SUSD1: variants seen among roughly 807,000 people sequenced by gnomAD.
SUSD1 encodes sushi domain-containing protein 1.
In SUSD1, 65 loss-of-function variants were observed where a neutral mutation model predicts 86.9. The observed-to-expected ratio is 0.75, with a 90% confidence interval of 0.61 to 0.92. SUSD1 has a LOEUF of 0.92. SUSD1 is among the 40% of genes least tolerant of loss of function. The pLI is 0.00. For missense variants in SUSD1, 850 were observed against 929.7 expected (o/e 0.91, Z 1.11); for synonymous variants, 346 against 350.0 (o/e 0.99, Z 0.13).
intron 15 of SUSD1, among the ~76,000 whole-genome samples, chr9:112,049,499 T>C (rs763671339): frequency 8.5e-4 from 129 of 152,320 alleles, no homozygotes; most frequent in Middle Eastern, 3.4e-3. Flanking sequence ...GCATCTTCCA[T>C]CAAACCGACT....
At chr9:112,094,985 A>G (rs567152004) in intron 10 of SUSD1, among the ~76,000 whole-genome samples, 15 of 152,170 alleles carry the variant, frequency 9.9e-5, no homozygotes, top group Non-Finnish European at 1.9e-4. Flanking sequence ...CTGCCTGGGA[A>G]ATAGAGCTGT....
intron 15 of SUSD1, among the ~76,000 whole-genome samples, chr9:112,047,943 T>C (rs1828027118): frequency 6.6e-6 from 1 of 152,154 alleles, no homozygotes; most frequent in African/African-American, 2.4e-5. Flanking sequence ...AGTATTCTGT[T>C]ATAGCAACAC....
At position 112,113,253 on chromosome 9, in the gene SUSD1, C is replaced by G. The variant is rs1345053924; in HGVS notation, c.887-385G>C. Among the ~76,000 whole-genome samples, 1 of 152,192 alleles carries G rather than the reference C, an allele frequency of 6.6e-6. No individual in the cohort carries two copies. The highest frequency in any genetic ancestry group is 2.4e-5 in the African/African-American group (1 of 41,448). ...ACAGGTAAGACCTACTTCCACCTTT[C>G]TCTTCCCAGCAGAATGATGGGAAAC... On this transcript the variant is annotated intron_variant, in intron 6 of 16. Coordinates refer to ENST00000374270, the MANE Select transcript of SUSD1 (RefSeq NM_022486.5). This position sits in a 1 kb window ranked among gnomAD's most constrained non-coding sequence, Gnocchi z 4.1.
intron 15 of SUSD1, among the ~76,000 whole-genome samples, chr9:112,045,351 T>A (rs1296302578): frequency 1.3e-5 from 2 of 152,204 alleles, no homozygotes; most frequent in Non-Finnish European, 2.9e-5. Context: ...TGAAGATGAC[T>A]GTGGACAGAA....
chr9:112,086,565 AGAGAGAGAG>A (rs1564282426), intron 10 of SUSD1, among the ~76,000 whole-genome samples: 28 of 133,090 alleles, frequency 2.1e-4, no homozygotes, highest in African/African-American at 9.4e-4. Flanking sequence ...AAAGAAAGAG[AGAGAGAGAG>A]AGAGAGAGAG....
intron 2 of SUSD1, among the ~76,000 whole-genome samples, chr9:112,156,599 G>T (rs1589740837): frequency 6.6e-6 from 1 of 151,970 alleles, no homozygotes; most frequent in East Asian, 1.9e-4. Flanking sequence ...TTTTAGATAT[G>T]GGGGTCTCAC....
At position 112,059,446 on chromosome 9, in the gene SUSD1, A is replaced by G. The variant is rs1163594641; in HGVS notation, c.1851-760T>C. 2.0e-5 allele frequency among the ~76,000 whole-genome samples: 3 copies of G among 152,214 alleles called. No individual in the cohort carries two copies. In the East Asian group the frequency reaches 5.8e-4, roughly 29 times the overall value. On this transcript the variant is annotated intron_variant, in intron 13 of 16. Transcript: ENST00000374270. ...CCACAGTGAATGTACTAAGTCCGGA[A>G]AAAAGGCTGCAGACAGTCATGCGGT...
At chr9:112,067,717 T>C (rs1174792497) in intron 12 of SUSD1, among the ~76,000 whole-genome samples, 1 of 152,086 alleles carries the variant, frequency 6.6e-6, no homozygotes, top group Non-Finnish European at 1.5e-5. Context: ...CTTCAAAGTC[T>C]ATCACTGCAT....
At chr9:112,101,222 C>T (rs2131616126) in intron 9 of SUSD1, among the ~76,000 whole-genome samples, 1 of 152,020 alleles carries the variant, frequency 6.6e-6, no homozygotes, top group Admixed American at 6.6e-5. Flanking sequence ...ATCAGCAGGG[C>T]ATAGTGGTGC....
chr9:112,146,403 A>C (rs1289090243), intron 3 of SUSD1, among the ~76,000 whole-genome samples: 2 of 152,162 alleles, frequency 1.3e-5, no homozygotes, highest in Non-Finnish European at 2.9e-5. Context: ...TGGTATGTAA[A>C]CTATAGCTCA....
At position 112,041,261 on chromosome 9, in the gene SUSD1, G is replaced by C. The variant is rs183598613; in HGVS notation, c.*231C>G. The C allele has an allele frequency of 5.4e-5, 33 of 615,608 alleles. No individual in the cohort carries two copies. Among genetic ancestry groups the C allele is most frequent in the Non-Finnish European group, 8.4e-5 (29 of 346,060 alleles). The allele number at this position is 615,608 out of a possible 1,614,324, so 38.1% of individuals were successfully genotyped here. On this transcript the variant is annotated 3_prime_UTR_variant, in exon 17 of 17. Transcript: ENST00000374270. The stretch of plus-strand genomic sequence containing the variant: ...GTCTCAAGTTCATTGCACAGAACTG[G>C]TCCTGTAGCAGGGAAGACTCAGAAT...
rs1833376467 is a variant in SUSD1 at position 112,157,445 on chromosome 9, G to A, written c.217+55C>T. The A allele has an allele frequency of 2.4e-6, 3 of 1,276,540 alleles. No homozygotes were observed. In the East Asian group the frequency reaches 7.0e-5, roughly 30 times the overall value. 79.1% of individuals were successfully genotyped at this position (1,276,540 alleles called of 1,614,324 possible). On this transcript the variant is annotated intron_variant, in intron 2 of 16. Transcript: ENST00000374270. ...CAAGGACATCAACTCTTTAATACAA[G>A]AGAATCTTGTTTCTCGATTCAGCTT...
intron 7 of SUSD1, 42 bp from the exon 8 acceptor site, chr9:112,111,882 C>T (rs1356655701): frequency 6.3e-7 from 1 of 1,594,412 alleles, no homozygotes; most frequent in Non-Finnish European, 8.6e-7. Flanking sequence ...TGACTCCAGT[C>T]AAAACAATCC....
intron 10 of SUSD1, among the ~76,000 whole-genome samples, chr9:112,089,679 GTA>G: frequency 6.6e-6 from 1 of 151,934 alleles, no homozygotes; most frequent in Admixed American, 6.6e-5. Flanking sequence ...GGGCGTGGTG[GTA>G]CATGCCTGTA....
chr9:112,147,827 G>C (rs1832871164), intron 3 of SUSD1, among the ~76,000 whole-genome samples: 1 of 150,374 alleles, frequency 6.7e-6, no homozygotes, highest in African/African-American at 2.5e-5. Context: ...CAAAACACTA[G>C]ATCATCATCT....
intron 12 of SUSD1, among the ~76,000 whole-genome samples, chr9:112,077,589 C>G (rs1490522067): frequency 6.9e-6 from 1 of 144,150 alleles, no homozygotes; most frequent in Non-Finnish European, 1.5e-5. Flanking sequence ...AACACAACCT[C>G]CACCTCCTGG....
At chr9:112,152,560 G>A (rs1407697007) in intron 2 of SUSD1, among the ~76,000 whole-genome samples, 1 of 138,918 alleles carries the variant, frequency 7.2e-6, no homozygotes, top group African/African-American at 2.8e-5. Flanking sequence ...CTGCTACTGT[G>A]CCTGGATAAT....
At position 112,145,032 on chromosome 9, in the gene SUSD1, G is replaced by A. The variant is rs879882073; in HGVS notation, c.374-1409C>T. Among the ~76,000 whole-genome samples the A allele has an allele frequency of 7.2e-5, 11 of 152,122 alleles. No homozygotes were observed. The South Asian group carries it at 8.3e-4, about 11-fold the overall frequency. ...GAGGCAGGAGGATTGCTTTAAGTCC[G>A]GGAGTTCAAGGCCGGCCTGGGCAAC... On this transcript the variant is annotated intron_variant, in intron 3 of 16. Coordinates refer to ENST00000374270, the MANE Select transcript of SUSD1 (RefSeq NM_022486.5).
At chr9:112,165,407 C>CT (rs34075174) in intron 1 of SUSD1, among the ~76,000 whole-genome samples, 22,352 of 119,386 alleles carry the variant, frequency 0.19, 2,800 homozygotes, top group East Asian at 0.3. Flanking sequence ...GTCTTTGACA[C>CT]TTTTTTTTTT....
Sources: gnomAD v4.1 joint callset for allele counts (sites outside exome capture counted in the v4.1 genomes callset) on GRCh38, gnomAD v4.1.1 for gene constraint, Gnocchi (gnomAD v3.1) non-coding constraint, MANE v1.5 for transcripts, NCBI Gene and HGNC (gene_info 2026-07-23, HGNC 2026-07-21) for gene names.